AHCY: variants seen among roughly 807,000 people sequenced by gnomAD.
The protein encoded by AHCY is S-adenosyl-L-homocysteine hydrolase.
In AHCY, 24 loss-of-function variants were observed where a neutral mutation model predicts 45.4. The observed-to-expected ratio is 0.53, with a 90% confidence interval of 0.38 to 0.74. The LOEUF (loss-of-function observed/expected upper bound fraction) is 0.74. Ranked by LOEUF, AHCY falls within the 30% of genes least tolerant of loss-of-function variation. The probability of loss-of-function intolerance (pLI) is 0.00; values close to 1 mark genes in which losing one functional copy is unlikely to be tolerated. For synonymous variants in AHCY, 245 were observed against 235.1 expected (o/e 1.04, Z -0.39); for missense variants, 449 against 594.1 (o/e 0.76, Z 2.54).
chr20:34,295,333 T>C (rs2036537639), intron 2 of AHCY, 62 bp downstream of exon 2: 1 of 1,600,596 alleles, frequency 6.2e-7, no homozygotes. Context: ...CACAGTCGTC[T>C]TCTTCCCTGG....
the AHCY span, among the ~76,000 whole-genome samples, chr20:34,253,149 C>T: frequency 6.6e-6 from 1 of 151,468 alleles, no homozygotes; most frequent in East Asian, 1.9e-4. Flanking sequence ...GCTCTGTTGC[C>T]CAGGCTGGAG....
the AHCY span, among the ~76,000 whole-genome samples, chr20:34,242,008 T>C: frequency 6.6e-6 from 1 of 152,282 alleles, no homozygotes; most frequent in East Asian, 1.9e-4. Context: ...CTTTTCTGAA[T>C]GGATATCCAT....
intron 4 of AHCY, among the ~76,000 whole-genome samples, 162 bp downstream of exon 4, chr20:34,292,196 G>A (rs933003939): frequency 6.6e-6 from 1 of 152,248 alleles, no homozygotes; most frequent in African/African-American, 2.4e-5. Context: ...ACCCTCAGAA[G>A]TCAGGAGGCC....
chr20:34,303,356 A>G (rs1380949501), upstream of AHCY: 11 of 1,535,292 alleles, frequency 7.2e-6, no homozygotes, highest in East Asian at 2.4e-5. Context: ...CCGAGCAGGG[A>G]TATGCGCGTG....
At chr20:34,305,461 AG>A (rs2036886362), upstream of AHCY, among the ~76,000 whole-genome samples, 1 of 152,146 alleles carries the variant, frequency 6.6e-6, no homozygotes, top group Non-Finnish European at 1.5e-5. Flanking sequence ...TGAGGGAACG[AG>A]GGTCCACGCC....
At chr20:34,280,143 A>C (rs1369859878), downstream of AHCY, 1 of 152,198 alleles carries the variant, frequency 6.6e-6, no homozygotes, top group African/African-American at 2.4e-5. Flanking sequence ...TTCAAGCCTA[A>C]GGACCACAGA....
At chr20:34,286,439 T>C (rs182463224) in intron 8 of AHCY, 2 of 152,248 alleles carry the variant, frequency 1.3e-5, no homozygotes, top group Admixed American at 6.5e-5. Context: ...TGAGGACAGA[T>C]CCCATGTTCT....
At chr20:34,300,045 C>T (rs1244832688) in intron 1 of AHCY, among the ~76,000 whole-genome samples, 2 of 152,052 alleles carry the variant, frequency 1.3e-5, no homozygotes, top group South Asian at 2.1e-4. Context: ...ATTAGTTGGG[C>T]GTGGTGGTGG....
At chr20:34,264,321 T>C in the AHCY span, among the ~76,000 whole-genome samples, 1 of 152,230 alleles carries the variant, frequency 6.6e-6, no homozygotes, top group Non-Finnish European at 1.5e-5. Context: ...CATTGCGGCA[T>C]GCTCAGGTGT....
intron 1 of AHCY, chr20:34,301,920 A>C (rs914517095): frequency 1.0e-5 from 10 of 985,324 alleles, no homozygotes; most frequent in Non-Finnish European, 1.1e-5. Context: ...TTATTGTGTA[A>C]ACACACGTAA....
chr20:34,290,491 A>T lies in AHCY; in HGVS notation c.855-42T>A, dbSNP rs764995733. ...GACCGTGGGAGATTGTCAGGGACAGAAAGCTGTCCCAACTCTGCCCTCCTC... is the reference window on the plus strand; with the variant it reads ...GACCGTGGGAGATTGTCAGGGACAGTAAGCTGTCCCAACTCTGCCCTCCTC... On this transcript the variant is annotated intron_variant, in intron 7 of 9. Transcript: ENST00000217426. The surrounding 1 kb of genome is among the most constrained non-coding windows in gnomAD (Gnocchi z 4.5). 1.2e-6 allele frequency: 2 copies of T among 1,612,444 alleles called. No individual in the cohort carries two copies. The highest frequency in any genetic ancestry group is 8.5e-7 in the Non-Finnish European group (1 of 1,178,448).
the AHCY span, among the ~76,000 whole-genome samples, chr20:34,253,152 G>T: frequency 7.3e-5 from 11 of 150,928 alleles, no homozygotes; most frequent in Non-Finnish European, 1.5e-4. Flanking sequence ...CTGTTGCCCA[G>T]GCTGGAGTGC....
At chr20:34,298,713 A>G (rs894347769) in intron 1 of AHCY, among the ~76,000 whole-genome samples, 12 of 151,506 alleles carry the variant, frequency 7.9e-5, no homozygotes, top group African/African-American at 2.7e-4. Context: ...ACAGTTATCC[A>G]GAGGCCTAAC....
At chr20:34,271,954 G>C in the AHCY span, among the ~76,000 whole-genome samples, 1 of 151,562 alleles carries the variant, frequency 6.6e-6, no homozygotes. Context: ...ACAACAGAAA[G>C]AACTCTAGCT....
downstream of AHCY, among the ~76,000 whole-genome samples, chr20:34,279,185 C>T (rs184614509): frequency 1.4e-5 from 2 of 146,708 alleles, no homozygotes; most frequent in Non-Finnish European, 1.5e-5. Context: ...GTGGCCGAGG[C>T]GGGTGGATCA....
At chr20:34,267,184 T>G in the AHCY span, among the ~76,000 whole-genome samples, 4 of 152,200 alleles carry the variant, frequency 2.6e-5, no homozygotes, top group Non-Finnish European at 4.4e-5. Flanking sequence ...GGAGTTTACA[T>G]TCTTGTGGAG....
At chr20:34,274,046 C>T in the AHCY span, among the ~76,000 whole-genome samples, 1 of 152,118 alleles carries the variant, frequency 6.6e-6, no homozygotes, top group East Asian at 1.9e-4. Context: ...CAGCAAATAG[C>T]TTCATTGGAG....
chr20:34,275,442 T>G (rs150932319), downstream of AHCY, among the ~76,000 whole-genome samples: 309 of 152,156 alleles, frequency 2.0e-3, 1 homozygote, highest in African/African-American at 6.9e-3. Context: ...CTCTGTTTTC[T>G]TTTCTCTGTT....
chr20:34,307,818 G>GT (rs1176725975), upstream of AHCY, among the ~76,000 whole-genome samples: 46 of 152,292 alleles, frequency 3.0e-4, no homozygotes, highest in East Asian at 8.3e-3. Flanking sequence ...TTTTATTTTA[G>GT]TTCAGGGGTA....
Sources: gnomAD v4.1 joint callset for allele counts (sites outside exome capture counted in the v4.1 genomes callset) on GRCh38, gnomAD v4.1.1 for gene constraint, Gnocchi (gnomAD v3.1) non-coding constraint, MANE v1.5 for transcripts, NCBI Gene and HGNC (gene_info 2026-07-23, HGNC 2026-07-21) for gene names.